The following GJA1 variants were observed in gnomAD, a reference collection of about 807,000 sequenced individuals.
GJA1 encodes gap junction protein alpha 1, also known as gap junction alpha-1 protein.
GJA1 carries 9 observed loss-of-function variants against 31.0 expected under a neutral mutation model. That is an observed-to-expected ratio of 0.29 (90% confidence interval 0.17 to 0.51). The LOEUF is 0.51. Ranked by LOEUF, GJA1 falls within the 20% of genes least tolerant of loss-of-function variation. The probability of loss-of-function intolerance (pLI) is 0.98; values close to 1 mark genes in which losing one functional copy is unlikely to be tolerated. For missense variants in GJA1, 278 were observed against 468.8 expected (o/e 0.59, Z 3.76); for synonymous variants, 186 against 180.1 (o/e 1.03, Z -0.26).
intron 1 of GJA1, among the ~76,000 whole-genome samples, chr6:121,445,443 G>T (rs528913077): frequency 6.6e-6 from 1 of 152,158 alleles, no homozygotes; most frequent in East Asian, 1.9e-4. Flanking sequence ...GAGCCACCAC[G>T]CCTGGCCAGA....
At position 121,446,256 on chromosome 6, in the gene GJA1, T is replaced by C. The variant is rs144228283; in HGVS notation, c.-16-576T>C. Among the ~76,000 whole-genome samples, 395 of 151,958 alleles carry C rather than the reference T, an allele frequency of 2.6e-3. 9 individuals carry two copies. The East Asian group carries it at 0.033, about 13-fold the overall frequency. Reference sequence around the variant, plus strand: ...GTTGTGGTGAGCTGAGATTGTGCCATTGCACTCCAGCCTGGGCAACAAGAG... The same window carrying C: ...GTTGTGGTGAGCTGAGATTGTGCCACTGCACTCCAGCCTGGGCAACAAGAG... On this transcript the variant is annotated intron_variant, in intron 1 of 1. Coordinates refer to ENST00000282561, the MANE Select transcript of GJA1 (RefSeq NM_000165.5).
intron 1 of GJA1, among the ~76,000 whole-genome samples, chr6:121,436,746 C>T (rs1773669930): frequency 6.6e-6 from 1 of 152,158 alleles, no homozygotes; most frequent in Admixed American, 6.5e-5. Context: ...GAGCTCCCCC[C>T]GCCAACACCC....
intron 1 of GJA1, among the ~76,000 whole-genome samples, chr6:121,437,759 CAA>C (rs1368814497): frequency 6.6e-6 from 1 of 152,104 alleles, no homozygotes; most frequent in Non-Finnish European, 1.5e-5. Flanking sequence ...GAGAGCTACA[CAA>C]TGTTGTAAAA....
chr6:121,438,999 AAT>A (rs1255579901), intron 1 of GJA1, among the ~76,000 whole-genome samples: 4 of 152,062 alleles, frequency 2.6e-5, no homozygotes, highest in Admixed American at 1.3e-4. Flanking sequence ...TTTTAAGAAA[AAT>A]ATATGTTTAT....
chr6:121,438,403 A>G (rs1390475424), intron 1 of GJA1, among the ~76,000 whole-genome samples: 1 of 152,222 alleles, frequency 6.6e-6, no homozygotes, highest in African/African-American at 2.4e-5. Flanking sequence ...AGGCAGATAA[A>G]AGGCTGTGCT....
In GJA1 at chr6:121,447,918, C is replaced by T. The variant is rs758040381; in HGVS notation, c.1071C>T (p.Ala357=). 1.2e-6 allele frequency: 2 copies of T among 1,613,744 alleles called. No individual in the cohort carries two copies. Among genetic ancestry groups the T allele is most frequent in the South Asian group, 1.1e-5 (1 of 91,058 alleles). ...CTGGACATGAATTACAGCCACTAGC[C>T]ATTGTGGACCAGCGACCTTCAAGCA... ...LAAGHELQPL[A]IVDQRPSSRA... is the part of the protein sequence containing the mutation. Residue 357 remains alanine (A), a synonymous_variant, in exon 2 of 2, where the codon GCC becomes GCT. Coordinates refer to ENST00000282561, the MANE Select transcript of GJA1 (RefSeq NM_000165.5).
chr6:121,441,806 C>G (rs1464745303), intron 1 of GJA1, among the ~76,000 whole-genome samples: 1 of 152,100 alleles, frequency 6.6e-6, no homozygotes, highest in Non-Finnish European at 1.5e-5. Context: ...ACCTAGCAAA[C>G]TGATGATGGC....
chr6:121,437,577 T>A (rs1477802115), intron 1 of GJA1, among the ~76,000 whole-genome samples: 2 of 151,992 alleles, frequency 1.3e-5, no homozygotes. Flanking sequence ...CAAGTCAGCC[T>A]GTTTCCGAGA....
At position 121,447,426 on chromosome 6, in the gene GJA1, A is replaced by G; in HGVS notation, c.579A>G (p.Pro193=). 1 of 1,613,958 alleles carries G rather than the reference A, an allele frequency of 6.2e-7. No individual in the cohort carries two copies. The highest frequency in any genetic ancestry group is 8.5e-7 in the Non-Finnish European group (1 of 1,179,904). The change falls in exon 2 of 2, where the codon CCA becomes CCG. Residue 193 remains proline (P), a synonymous_variant. Coordinates refer to ENST00000282561, the MANE Select transcript of GJA1 (RefSeq NM_000165.5). ...ACACTTGCAAAAGAGATCCCTGCCC[A>G]CATCAGGTGGACTGTTTCCTCTCTC... ...AVYTCKRDPC[P]HQVDCFLSRP...
At chr6:121,441,227 C>A (rs1444800602) in intron 1 of GJA1, among the ~76,000 whole-genome samples, 1 of 152,140 alleles carries the variant, frequency 6.6e-6, no homozygotes, top group Non-Finnish European at 1.5e-5. Context: ...GCTGGGACTA[C>A]AGGCTTAAGC....
Position 121,447,879 on chromosome 6 carries a change from T to TA in GJA1, c.1038dup (p.Leu347ThrfsTer6). On this transcript the variant is annotated frameshift_variant, in exon 2 of 2. Transcript: ENST00000282561. LOFTEE classifies it high-confidence loss of function. ...ATTTCCCCGATGATAACCAGAATTC[T>TA]AAAAAACTAGCTGCTGGACATGAAT... is the stretch of plus-strand genomic sequence containing the variant. 1 of 1,613,826 alleles carries TA rather than the reference T, an allele frequency of 6.2e-7. No individual in the cohort carries two copies. Among genetic ancestry groups the TA allele is most frequent in the African/African-American group, 1.3e-5 (1 of 75,004 alleles).
At chr6:121,440,144 T>C (rs944191506) in intron 1 of GJA1, among the ~76,000 whole-genome samples, 3 of 152,178 alleles carry the variant, frequency 2.0e-5, no homozygotes, top group Non-Finnish European at 4.4e-5. Flanking sequence ...AATAAAATTG[T>C]GTGGTGCAAT....
rs752048581 is a variant in GJA1 at position 121,447,627 on chromosome 6, T to G, written c.780T>G (p.Cys260Trp). The G allele has an allele frequency of 1.9e-6, 3 of 1,613,892 alleles. No individual in the cohort carries two copies. Among genetic ancestry groups the G allele is most frequent in the Non-Finnish European group, 2.5e-6 (3 of 1,179,986 alleles). The stretch of plus-strand genomic sequence containing the variant: ...GTGCGCTGAGCCCTGCCAAAGACTG[T>G]GGGTCTCAAAAATATGCTTATTTCA... Reference protein sequence around the residue: ...TSGALSPAKDCGSQKYAYFNG... With the variant: ...TSGALSPAKDWGSQKYAYFNG... The change falls in exon 2 of 2, where the codon TGT becomes TGG. Residue 260 changes from cysteine to tryptophan, a missense_variant. By Grantham distance (215) the Cys-to-Trp change is radical (BLOSUM62 -2). Transcript: ENST00000282561.
chr6:121,445,466 C>T lies in GJA1; in HGVS notation c.-16-1366C>T, dbSNP rs182072454. 2.6e-5 allele frequency among the ~76,000 whole-genome samples: 4 copies of T among 152,232 alleles called. 1 individual carries two copies. Among genetic ancestry groups the T allele is most frequent in the South Asian group, 2.1e-4 (1 of 4,818 alleles). On this transcript the variant is annotated intron_variant, in intron 1 of 1. Coordinates refer to ENST00000282561, the MANE Select transcript of GJA1 (RefSeq NM_000165.5). ...ACGCCTGGCCAGATCTTTTTCTTAT[C>T]CTCAGTAATGGAGAAGGCGTGGACT...
chr6:121,445,143 G>A (rs558201713), intron 1 of GJA1, among the ~76,000 whole-genome samples: 1 of 152,280 alleles, frequency 6.6e-6, no homozygotes, highest in Admixed American at 6.5e-5. Flanking sequence ...GATTCTTGTT[G>A]GTTTCTACTG....
rs563277759 is a variant in GJA1 at position 121,446,121 on chromosome 6, C to T, written c.-16-711C>T. On this transcript the variant is annotated intron_variant, in intron 1 of 1. Transcript: ENST00000282561. ...GACCAGCCTGAGCAACATGGAGAAA[C>T]CTCATCTCTACTAAAAATACAAAAT... is the stretch of plus-strand genomic sequence containing the variant. Among the ~76,000 whole-genome samples the T allele has an allele frequency of 5.3e-5, 8 of 152,010 alleles. No individual in the cohort carries two copies. In the South Asian group the frequency reaches 1.7e-3, roughly 32 times the overall value.
intron 1 of GJA1, among the ~76,000 whole-genome samples, chr6:121,438,487 T>C (rs1394517509): frequency 6.6e-6 from 1 of 152,096 alleles, no homozygotes; most frequent in African/African-American, 2.4e-5. Flanking sequence ...AAACACGGGG[T>C]GCATTCTTTC....
At position 121,448,001 on chromosome 6, in the gene GJA1, A is replaced by G; in HGVS notation, c.*5A>G. On this transcript the variant is annotated 3_prime_UTR_variant, in exon 2 of 2. Coordinates refer to ENST00000282561, the MANE Select transcript of GJA1 (RefSeq NM_000165.5). ...CCTGATGACCTGGAGATCTAGATAC[A>G]GGCTTGAAAGCATCAAGATTCCACT... 1.9e-6 allele frequency: 3 copies of G among 1,603,382 alleles called. No homozygotes were observed. In the Middle Eastern group the frequency reaches 5.0e-4, roughly 265 times the overall value.
chr6:121,448,023 C>T lies in GJA1; in HGVS notation c.*27C>T. On this transcript the variant is annotated 3_prime_UTR_variant, in exon 2 of 2. Transcript: ENST00000282561. ...TACAGGCTTGAAAGCATCAAGATTC[C>T]ACTCAATTGTGGAGAAGAAAAAAGG... is the stretch of plus-strand genomic sequence containing the variant. 2 of 1,596,872 alleles carry T rather than the reference C, an allele frequency of 1.3e-6. No homozygotes were observed. Among genetic ancestry groups the T allele is most frequent in the Non-Finnish European group, 1.7e-6 (2 of 1,164,426 alleles).
Sources: allele counts gnomAD v4.1 joint callset (sites outside exome capture counted in the v4.1 genomes callset), GRCh38; gene constraint gnomAD v4.1.1; transcripts MANE v1.5; gene names NCBI Gene and HGNC (gene_info 2026-07-23, HGNC 2026-07-21).